Variants in LDB2 observed in about 807,000 individuals in gnomAD.
LDB2 encodes LIM domain binding 2.
Under a neutral mutation model 44.3 loss-of-function variants are expected in LDB2, and 12 were observed. The observed-to-expected ratio is 0.27, with a 90% CI of 0.17 to 0.44. The LOEUF (loss-of-function observed/expected upper bound fraction) is 0.44, where lower values mean the gene tolerates loss of function less well. Among genes scored for constraint, LDB2 ranks in the 20% least tolerant of loss-of-function variants. LDB2 has a pLI of 1.00. For missense variants in LDB2, 344 were observed against 473.5 expected (o/e 0.73, Z 2.54); for synonymous variants, 164 against 174.8 (o/e 0.94, Z 0.49).
chr4:16,748,611 T>C (rs1764835447), intron 2 of LDB2, among the ~76,000 whole-genome samples: 1 of 152,150 alleles, frequency 6.6e-6, no homozygotes, highest in Non-Finnish European at 1.5e-5. Context: ...TGTTCACAGT[T>C]CTAAAACATG....
At chr4:16,556,243 G>GT (rs200456460) in intron 5 of LDB2, among the ~76,000 whole-genome samples, 1,998 of 152,302 alleles carry the variant, frequency 0.013, 24 homozygotes, top group Non-Finnish European at 0.019. Flanking sequence ...GAATGTATTT[G>GT]TTTTTGCATA....
At chr4:16,800,834 C>T (rs887095576) in intron 1 of LDB2, among the ~76,000 whole-genome samples, 2 of 152,190 alleles carry the variant, frequency 1.3e-5, no homozygotes, top group Non-Finnish European at 2.9e-5. Context: ...GCCACCAACG[C>T]CCGGCTAACT....
intron 1 of LDB2, among the ~76,000 whole-genome samples, chr4:16,773,832 G>A (rs547523304): frequency 5.3e-5 from 8 of 151,832 alleles, no homozygotes; most frequent in African/African-American, 1.9e-4. Context: ...ACTCCTGGAC[G>A]CGAGGGATTC....
At chr4:16,536,257 G>A (rs1731828426) in intron 5 of LDB2, among the ~76,000 whole-genome samples, 1 of 152,154 alleles carries the variant, frequency 6.6e-6, no homozygotes, top group Admixed American at 6.5e-5. Flanking sequence ...TCCCTGGCTG[G>A]GTGTGACTGT....
intron 1 of LDB2, among the ~76,000 whole-genome samples, chr4:16,782,007 G>A (rs79407231): frequency 6.7e-4 from 102 of 152,314 alleles, no homozygotes; most frequent in African/African-American, 2.3e-3. Context: ...CCAGAACTGC[G>A]AGAGAGTGAA....
intron 7 of LDB2, chr4:16,505,918 G>T: frequency 6.4e-7 from 1 of 1,551,654 alleles, no homozygotes; most frequent in Non-Finnish European, 8.7e-7. Flanking sequence ...GGTCACTGCT[G>T]TTGAATGACA....
At chr4:16,718,037 C>T (rs193127194) in intron 2 of LDB2, among the ~76,000 whole-genome samples, 32 of 152,112 alleles carry the variant, frequency 2.1e-4, no homozygotes, top group East Asian at 1.9e-4. Flanking sequence ...TTTCAAAATG[C>T]GGATCCCAGG....
intron 1 of LDB2, among the ~76,000 whole-genome samples, chr4:16,864,642 C>T (rs1045581710): frequency 6.6e-6 from 1 of 152,044 alleles, no homozygotes; most frequent in Non-Finnish European, 1.5e-5. Flanking sequence ...TAGCCCATAC[C>T]GGTTGGGCGC....
chr4:16,674,243 TA>T, intron 2 of LDB2: 1 of 1,289,156 alleles, frequency 7.8e-7, no homozygotes, highest in Non-Finnish European at 1.0e-6. Flanking sequence ...GAAATTGTAA[TA>T]ATCCATCACA....
At chr4:16,632,537 T>C (rs1261930544) in intron 2 of LDB2, among the ~76,000 whole-genome samples, 1 of 152,272 alleles carries the variant, frequency 6.6e-6, no homozygotes, top group African/African-American at 2.4e-5. Flanking sequence ...GAGGATGTCG[T>C]CTCTCACCAC....
chr4:16,837,912 C>T (rs542892679), intron 1 of LDB2, among the ~76,000 whole-genome samples: 1 of 152,304 alleles, frequency 6.6e-6, no homozygotes, highest in East Asian at 1.9e-4. Flanking sequence ...ACAGGGAAGG[C>T]GCTTGGTGCA....
chr4:16,743,241 G>A (rs1482052164), intron 2 of LDB2, among the ~76,000 whole-genome samples: 2 of 152,050 alleles, frequency 1.3e-5, no homozygotes, highest in South Asian at 2.1e-4. Flanking sequence ...AGTGAGCCGG[G>A]ATCGCACCAC....
intron 2 of LDB2, among the ~76,000 whole-genome samples, chr4:16,601,490 A>C (rs1439166033): frequency 1.3e-5 from 2 of 152,190 alleles, no homozygotes; most frequent in Non-Finnish European, 2.9e-5. Flanking sequence ...ACAATATATT[A>C]ATGCCATTTA....
At chr4:16,765,266 T>C (rs145536713) in intron 1 of LDB2, among the ~76,000 whole-genome samples, 2 of 151,998 alleles carry the variant, frequency 1.3e-5, no homozygotes, top group African/African-American at 4.8e-5. Flanking sequence ...GACCCTGGAG[T>C]TGGCCTCCCA....
At chr4:16,696,249 C>G (rs1752098733) in intron 2 of LDB2, among the ~76,000 whole-genome samples, 1 of 152,132 alleles carries the variant, frequency 6.6e-6, no homozygotes, top group South Asian at 2.1e-4. Context: ...ATGATGGGCT[C>G]TATATGTGGT....
intron 2 of LDB2, among the ~76,000 whole-genome samples, chr4:16,734,646 C>T (rs1415725759): frequency 2.0e-5 from 3 of 152,122 alleles, no homozygotes; most frequent in Non-Finnish European, 2.9e-5. Context: ...CTGTCTTGCC[C>T]ATGATTTCTC....
intron 1 of LDB2, among the ~76,000 whole-genome samples, chr4:16,777,212 G>A (rs905473571): frequency 5.3e-5 from 8 of 152,144 alleles, no homozygotes; most frequent in Non-Finnish European, 8.8e-5. Flanking sequence ...TCCTCTCGAC[G>A]ATGATCAAAT....
intron 5 of LDB2, among the ~76,000 whole-genome samples, chr4:16,571,511 C>T (rs1183312674): frequency 5.3e-5 from 8 of 151,654 alleles, no homozygotes; most frequent in Admixed American, 5.2e-4. Context: ...GTCTTTGATC[C>T]AGATCTCTTA....
At chr4:16,813,910 C>T (rs528883047) in intron 1 of LDB2, among the ~76,000 whole-genome samples, 31 of 149,680 alleles carry the variant, frequency 2.1e-4, no homozygotes, top group Non-Finnish European at 3.4e-4. Context: ...CTGGCTCTGT[C>T]GCCCAGGCTG....
Sources: allele counts gnomAD v4.1 joint callset (sites outside exome capture counted in the v4.1 genomes callset), GRCh38; gene constraint gnomAD v4.1.1; transcripts MANE v1.5; gene names NCBI Gene and HGNC (gene_info 2026-07-23, HGNC 2026-07-21).